TMEM132B: variants seen among roughly 807,000 people sequenced by gnomAD.
TMEM132B encodes the protein transmembrane protein 132B.
In TMEM132B, 18 loss-of-function variants were observed where a neutral mutation model predicts 90.8. The ratio of observed to expected loss-of-function variants is 0.20; its 90% CI spans 0.14 to 0.29. TMEM132B has a LOEUF of 0.29. Among genes scored for constraint, TMEM132B ranks in the 10% least tolerant of loss-of-function variants. The probability of loss-of-function intolerance (pLI) is 1.00; values close to 1 mark genes in which losing one functional copy is unlikely to be tolerated. For synonymous variants in TMEM132B, 504 were observed against 523.3 expected (o/e 0.96, Z 0.50); for missense variants, 1,096 against 1,326.8 (o/e 0.83, Z 2.70).
chr12:125,465,863 G>A (rs1174073189), intron 3 of TMEM132B, among the ~76,000 whole-genome samples: 7 of 152,060 alleles, frequency 4.6e-5, no homozygotes, highest in Non-Finnish European at 7.4e-5. Context: ...CCCCTGCCTC[G>A]CTCTCTCTTG....
rs1873593101 is a variant in TMEM132B, at chr12:125,222,893, T to C, written c.67+36027T>C. 1.3e-5 allele frequency among the ~76,000 whole-genome samples: 2 copies of C among 152,258 alleles called. 1 individual carries two copies. Among genetic ancestry groups the C allele is most frequent in the South Asian group, 4.1e-4 (2 of 4,832 alleles). On this transcript the variant is annotated intron_variant, in intron 1 of 8. Coordinates refer to ENST00000682704, the MANE Select transcript of TMEM132B (RefSeq NM_001366854.1). ...CAATGGTCTAGGGTAAAATATTGATTGTGTCTGTTCTCACTCATCCCATTT... is the reference window on the plus strand; with the variant it reads ...CAATGGTCTAGGGTAAAATATTGATCGTGTCTGTTCTCACTCATCCCATTT...
chr12:125,351,867 C>T (rs1406563974), intron 2 of TMEM132B, among the ~76,000 whole-genome samples: 1 of 152,240 alleles, frequency 6.6e-6, no homozygotes, highest in South Asian at 2.1e-4. Flanking sequence ...TGAATTGCAG[C>T]TGCTGTCATG....
At chr12:125,575,056 T>C (rs71460713) in intron 4 of TMEM132B, among the ~76,000 whole-genome samples, 8 of 11,058 alleles carry the variant, frequency 7.2e-4, no homozygotes, top group Middle Eastern at 0.083. Context: ...CTATTAGCTG[T>C]CATATATATA....
chr12:125,465,683 TA>T (rs1330442564), intron 3 of TMEM132B, among the ~76,000 whole-genome samples: 1 of 152,242 alleles, frequency 6.6e-6, no homozygotes, highest in Non-Finnish European at 1.5e-5. Flanking sequence ...TTACATACTT[TA>T]TTGCAATTTT....
At chr12:125,457,257 CT>C (rs1566042204) in intron 3 of TMEM132B, among the ~76,000 whole-genome samples, 1 of 152,210 alleles carries the variant, frequency 6.6e-6, no homozygotes. Context: ...AGTTTCTCCC[CT>C]AAGACTGTCT....
chr12:125,299,843 C>A (rs1443428540), intron 1 of TMEM132B, among the ~76,000 whole-genome samples: 1 of 152,204 alleles, frequency 6.6e-6, no homozygotes, highest in Non-Finnish European at 1.5e-5. Flanking sequence ...CGGCCTGCGT[C>A]CCCCACTTGC....
At chr12:125,235,441 A>G (rs1418995092) in intron 1 of TMEM132B, among the ~76,000 whole-genome samples, 1 of 140,896 alleles carries the variant, frequency 7.1e-6, no homozygotes, top group Admixed American at 7.0e-5. Context: ...TTGCTGCTGG[A>G]TTTTTTTTTT....
intron 5 of TMEM132B, among the ~76,000 whole-genome samples, chr12:125,619,599 A>T (rs1326647122): frequency 1.3e-5 from 2 of 151,942 alleles, no homozygotes; most frequent in African/African-American, 4.8e-5. Context: ...TCCTGACCTT[A>T]GGTGATCCAC....
chr12:125,270,142 G>GTGTGTGTGTA (rs1353533922), intron 1 of TMEM132B, among the ~76,000 whole-genome samples: 1 of 151,586 alleles, frequency 6.6e-6, no homozygotes, highest in African/African-American at 2.4e-5. Context: ...GTGTGTGTGT[G>GTGTGTGTGTA]TGTGTGTTTT....
rs1221680923 is a variant in TMEM132B, at chr12:125,503,890, C to T, written c.1107-15549C>T. 1.8e-4 allele frequency among the ~76,000 whole-genome samples: 27 copies of T among 152,174 alleles called. 1 individual carries two copies. The stretch of plus-strand genomic sequence containing the variant: ...AATTTCAGGAGTGCTTTAAGAGACA[C>T]AATCAGCAAAGGAGAAGCTAGAGAA... On this transcript the variant is annotated intron_variant, in intron 3 of 8. Transcript: ENST00000682704.
At chr12:125,238,137 G>C (rs1476403894) in intron 1 of TMEM132B, among the ~76,000 whole-genome samples, 2 of 151,784 alleles carry the variant, frequency 1.3e-5, no homozygotes, top group Non-Finnish European at 2.9e-5. Context: ...TAAAGGGCCT[G>C]ACTTCTGAGG....
intron 1 of TMEM132B, among the ~76,000 whole-genome samples, chr12:125,304,204 A>G (rs1875899650): frequency 6.6e-6 from 1 of 152,234 alleles, no homozygotes; most frequent in African/African-American, 2.4e-5. Flanking sequence ...CTCAGGTGGT[A>G]ACGTGAGCGA....
chr12:125,390,423 C>A (rs555530585), intron 2 of TMEM132B, among the ~76,000 whole-genome samples: 1 of 152,332 alleles, frequency 6.6e-6, no homozygotes, highest in South Asian at 2.1e-4. Flanking sequence ...TAGTAGAAGT[C>A]TCTAAAACCT....
In TMEM132B at chr12:125,653,917, G is replaced by C; in HGVS notation, c.2459G>C (p.Ser820Thr). Residue 820 changes from serine to threonine, a missense_variant, in exon 9 of 9, where the codon AGT becomes ACT. By Grantham distance (58) the Ser-to-Thr change is moderately conservative (BLOSUM62 1). Transcript: ENST00000682704. The part of the protein sequence containing the change: ...GINREYKDHL[S>T]NSIEREGNQE... Reference sequence around the variant, plus strand: ...AATCGGGAATATAAAGACCACCTCAGTAATTCCATAGAGCGCGAAGGAAAC... The same window carrying C: ...AATCGGGAATATAAAGACCACCTCACTAATTCCATAGAGCGCGAAGGAAAC... 1 of 1,614,192 alleles carries C rather than the reference G, an allele frequency of 6.2e-7. No homozygotes were observed. Among genetic ancestry groups the C allele is most frequent in the Non-Finnish European group, 8.5e-7 (1 of 1,180,050 alleles).
At chr12:125,378,274 A>G (rs2136281662) in intron 2 of TMEM132B, among the ~76,000 whole-genome samples, 1 of 152,312 alleles carries the variant, frequency 6.6e-6, no homozygotes, top group Admixed American at 6.5e-5. Context: ...AGCATGAACA[A>G]TAAATCCAGG....
intron 5 of TMEM132B, among the ~76,000 whole-genome samples, chr12:125,624,756 T>C (rs1195101235): frequency 2.6e-5 from 4 of 152,208 alleles, no homozygotes; most frequent in African/African-American, 9.7e-5. Context: ...CCTTTTTGTC[T>C]TCAGCCATAT....
intron 5 of TMEM132B, among the ~76,000 whole-genome samples, chr12:125,615,638 G>A (rs558011892): frequency 1.3e-4 from 19 of 151,922 alleles, no homozygotes; most frequent in Non-Finnish European, 2.4e-4. Flanking sequence ...ACTTCTTTAT[G>A]CTAATTCTGA....
chr12:125,586,338 A>G (rs1885178364), intron 5 of TMEM132B: 1 of 152,242 alleles, frequency 6.6e-6, no homozygotes, highest in African/African-American at 2.4e-5. Context: ...TTTGCGGGAC[A>G]GAATCAGAGG....
At chr12:125,577,160 T>A (rs1884959803) in intron 4 of TMEM132B, among the ~76,000 whole-genome samples, 1 of 151,916 alleles carries the variant, frequency 6.6e-6, no homozygotes, top group Non-Finnish European at 1.5e-5. Flanking sequence ...ATTAGTTCAA[T>A]CTCTTTATCA....
Sources: gnomAD v4.1 joint callset for allele counts (sites outside exome capture counted in the v4.1 genomes callset) on GRCh38, gnomAD v4.1.1 for gene constraint, MANE v1.5 for transcripts, NCBI Gene and HGNC (gene_info 2026-07-23, HGNC 2026-07-21) for gene names.